The following FXYD1 variants were observed in gnomAD, a reference collection of about 807,000 sequenced individuals.
FXYD1 encodes FXYD domain containing ion transport regulator 1.
FXYD1 carries 9 observed loss-of-function variants against 17.2 expected under a neutral mutation model. That is an observed-to-expected ratio of 0.52 (90% CI 0.32 to 0.91). The LOEUF is 0.91. FXYD1 is among the 40% of genes least tolerant of loss of function. The pLI, the probability that FXYD1 is intolerant of heterozygous loss-of-function variation, is 0.04. For missense variants in FXYD1, 113 were observed against 120.6 expected (o/e 0.94, Z 0.29); for synonymous variants, 55 against 45.8 (o/e 1.20, Z -0.81).
upstream of FXYD1, chr19:35,138,672 C>T (rs534572312): frequency 4.4e-4 from 65 of 146,594 alleles, no homozygotes; most frequent in African/African-American, 1.1e-3. Flanking sequence ...GTTAACCAAG[C>T]GGGCCAGGGC....
intron 1 of FXYD1, chr19:35,139,555 C>A: frequency 6.4e-6 from 1 of 155,644 alleles, no homozygotes; most frequent in Non-Finnish European, 1.4e-5. Flanking sequence ...CAGGCTGTTG[C>A]CATGGTGGCC....
chr19:35,138,374 GCA>G (rs750437140), upstream of FXYD1: 120 of 148,230 alleles, frequency 8.1e-4, 2 homozygotes, highest in African/African-American at 1.9e-3. Context: ...ACATGCGCGC[GCA>G]CACACACACA....
At chr19:35,138,387 C>A (rs1351197514), upstream of FXYD1, 1 of 152,190 alleles carries the variant, frequency 6.6e-6, no homozygotes, top group Admixed American at 6.5e-5. Context: ...CACACACACA[C>A]ACACACACAC....
At chr19:35,141,679 T>G (rs915922231) in intron 5 of FXYD1, 107 bp downstream of exon 5, 7 of 897,566 alleles carry the variant, frequency 7.8e-6, no homozygotes, top group Non-Finnish European at 1.2e-5. Flanking sequence ...TCAGCGACTA[T>G]GTATTAAGCA....
rs984136283 is a variant in FXYD1, at chr19:35,141,526, A to G, written c.170-10A>G. 6.2e-7 allele frequency: 1 copy of G among 1,606,170 alleles called. No homozygotes were observed. ...GAGCCTCAGCTTCTCCTACCTCTCC[A>G]CGCCCACAGGCAGAAGATGCCGGTG... On this transcript the variant is annotated splice_polypyrimidine_tract_variant and intron_variant, in intron 4 of 7. Transcript: ENST00000351325.
At chr19:35,142,600 G>A (rs1352314688) in intron 6 of FXYD1, 79 bp downstream of exon 6, 15 of 1,533,124 alleles carry the variant, frequency 9.8e-6, no homozygotes, top group Non-Finnish European at 1.4e-5. Flanking sequence ...CCCTGGCTGC[G>A]TAGAGGGAAG....
chr19:35,137,316 AG>A (rs1424531757), upstream of FXYD1, among the ~76,000 whole-genome samples: 3 of 152,210 alleles, frequency 2.0e-5, no homozygotes, highest in Non-Finnish European at 4.4e-5. Flanking sequence ...ACAAGAGCTC[AG>A]GGGAAGGAAA....
chr19:35,142,748 C>A lies in FXYD1; in HGVS notation c.*6C>A. 6.2e-7 allele frequency: 1 copy of A among 1,613,364 alleles called. No individual in the cohort carries two copies. The highest frequency in any genetic ancestry group is 8.5e-7 in the Non-Finnish European group (1 of 1,179,592). ...TGTCCACCCGCAGGCGGTAGAAACACCTGGAGCGATGGAATCCGGCCAGGT... is the reference window on the plus strand; with the variant it reads ...TGTCCACCCGCAGGCGGTAGAAACAACTGGAGCGATGGAATCCGGCCAGGT... On this transcript the variant is annotated 3_prime_UTR_variant, in exon 7 of 8. Transcript: ENST00000351325.
chr19:35,141,613 C>T (rs1386240197), intron 5 of FXYD1, 41 bp downstream of exon 5: 1 of 1,560,506 alleles, frequency 6.4e-7, no homozygotes, highest in East Asian at 2.3e-5. Flanking sequence ...CGCTCCTGCT[C>T]TGGAGGGCGC....
intron 3 of FXYD1, 83 bp downstream of exon 3, chr19:35,140,712 T>C (rs1449501205): frequency 8.9e-7 from 1 of 1,126,802 alleles, no homozygotes; most frequent in African/African-American, 1.5e-5. Context: ...TCCCCCAGAG[T>C]CCCAGTATTG....
intron 4 of FXYD1, 59 bp downstream of exon 4, chr19:35,141,265 GCCCCGC>G (rs1420892685): frequency 8.6e-6 from 3 of 349,316 alleles, no homozygotes; most frequent in African/African-American, 4.2e-5. Flanking sequence ...CCTCTCTCTG[GCCCCGC>G]CTCTCCCTGG....
intron 3 of FXYD1, 49 bp downstream of exon 3, chr19:35,140,678 T>TG: frequency 6.5e-7 from 1 of 1,536,488 alleles, no homozygotes; most frequent in Non-Finnish European, 9.0e-7. Context: ...CTGGCTTTGC[T>TG]GGTCCTTTGA....
chr19:35,141,167 G>C lies in FXYD1; in HGVS notation c.130G>C (p.Ala44Pro). The change falls in exon 4 of 8, where the codon GCC becomes CCC. Residue 44 changes from alanine (A) to proline (P), a missense_variant. Transcript: ENST00000351325. ...QSLQIGGLVI[A>P]GILFILGILI... ...CCTGCAGATCGGAGGCCTCGTCATC[G>C]CCGGGATCCTCTTCATCCTGGGCAT... 3 of 1,610,830 alleles carry C rather than the reference G, an allele frequency of 1.9e-6. No homozygotes were observed. Among genetic ancestry groups the C allele is most frequent in the Non-Finnish European group, 2.5e-6 (3 of 1,178,022 alleles).
chr19:35,139,078 C>G (rs2065226596), intron 1 of FXYD1, 184 bp downstream of exon 1: 1 of 152,330 alleles, frequency 6.6e-6, no homozygotes, highest in South Asian at 2.1e-4. Context: ...CCTGCTGGTG[C>G]GTGTGCACCC....
upstream of FXYD1, chr19:35,138,100 T>A (rs2065219604): frequency 6.6e-6 from 1 of 152,140 alleles, no homozygotes; most frequent in Admixed American, 6.5e-5. Context: ...TGTGTGGCCA[T>A]CCATCTACAT....
Position 35,143,081 on chromosome 19 carries a change from C to T in FXYD1, c.*194C>T. The T allele has an allele frequency of 1.8e-6, 1 of 554,850 alleles. No homozygotes were observed. Among genetic ancestry groups the T allele is most frequent in the African/African-American group, 2.0e-5 (1 of 50,190 alleles). The allele number at this position is 554,850 out of a possible 1,614,324, so 34.4% of individuals were successfully genotyped here. On this transcript the variant is annotated 3_prime_UTR_variant, in exon 8 of 8. Transcript: ENST00000351325. The surrounding 1 kb of genome is among the most constrained non-coding windows in gnomAD (Gnocchi z 4.3). ...CTTTGTCGGTCTCGGTCCCTCAGCGCGAAACGCCAGCGCCACTGGGCCCCA... is the reference window on the plus strand; with the variant it reads ...CTTTGTCGGTCTCGGTCCCTCAGCGTGAAACGCCAGCGCCACTGGGCCCCA...
intron 4 of FXYD1, 97 bp from the exon 5 acceptor site, chr19:35,141,439 C>T (rs2065254257): frequency 9.5e-7 from 1 of 1,056,944 alleles, no homozygotes; most frequent in Non-Finnish European, 1.4e-6. Context: ...CCCCGTCCCC[C>T]AAGCCCCGCC....
rs3826988 is a variant in FXYD1, at chr19:35,140,428, C to T, written c.62-169C>T. On this transcript the variant is annotated intron_variant, in intron 2 of 7. Transcript: ENST00000351325. ...TGGGGCAGTTAGGTGCCACCTGCCC[C>T]ATCTGGGACAGTGCAGAGGGGGCAG... Among the ~76,000 whole-genome samples, 338 of 152,204 alleles carry T rather than the reference C, an allele frequency of 2.2e-3. 4 individuals carry two copies. The South Asian group carries it at 0.037, about 17-fold the overall frequency.
rs2065257601 is a variant in FXYD1, at chr19:35,141,639, G to C, written c.206+67G>C. ...TGGAGGGCGCCGCGGGTGAGGCGGG[G>C]AGTACCCCTGACCCGCAGCCCGATC... On this transcript the variant is annotated intron_variant, in intron 5 of 7. Coordinates refer to ENST00000351325, the MANE Select transcript of FXYD1 (RefSeq NM_021902.4). The C allele has an allele frequency of 2.4e-5, 31 of 1,294,878 alleles. No individual in the cohort carries two copies. The South Asian group carries it at 3.7e-4, about 15-fold the overall frequency. 80.2% of individuals were successfully genotyped at this position (1,294,878 alleles called of 1,614,324 possible).
Sources: allele counts gnomAD v4.1 joint callset (sites outside exome capture counted in the v4.1 genomes callset), GRCh38; gene constraint gnomAD v4.1.1; non-coding constraint Gnocchi (gnomAD v3.1); transcripts MANE v1.5; gene names NCBI Gene and HGNC (gene_info 2026-07-23, HGNC 2026-07-21).